The following INO80D variants were observed in gnomAD, a reference collection of about 807,000 sequenced individuals.
INO80D encodes the protein INO80 complex subunit D.
A neutral mutation model predicts 87.6 loss-of-function variants in INO80D; 21 were observed. That is an observed-to-expected ratio of 0.24 (90% CI 0.17 to 0.35). The LOEUF (loss-of-function observed/expected upper bound fraction) is 0.35, where lower values mean the gene tolerates loss of function less well. Among genes scored for constraint, INO80D ranks in the 10% least tolerant of loss-of-function variants. INO80D has a pLI of 1.00. For synonymous variants in INO80D, 440 were observed against 491.0 expected (o/e 0.90, Z 1.37); for missense variants, 982 against 1,280.7 (o/e 0.77, Z 3.56).
At chr2:206,078,129 A>C (rs1322618026) in intron 1 of INO80D, among the ~76,000 whole-genome samples, 1 of 149,328 alleles carries the variant, frequency 6.7e-6, no homozygotes, top group Non-Finnish European at 1.5e-5. Flanking sequence ...TTATTAAAAG[A>C]AGATAGGGCC....
chr2:206,046,120 T>C (rs1393847117), intron 5 of INO80D, among the ~76,000 whole-genome samples: 1 of 152,242 alleles, frequency 6.6e-6, no homozygotes, highest in African/African-American at 2.4e-5. Context: ...GAATCTATTT[T>C]ACCACCAATT....
rs777704032 is a variant in INO80D, at chr2:206,056,331, T to G, written c.831A>C (p.Pro277=). 7 of 1,613,778 alleles carry G rather than the reference T, an allele frequency of 4.3e-6. No homozygotes were observed. Among genetic ancestry groups the G allele is most frequent in the Admixed American group, 3.3e-5 (2 of 59,990 alleles). ...TCATGAGGATCCGGTCAGTCCTGGGTGGGTCCACAGTGGGAGCCCTACTGG... is the reference window on the plus strand; with the variant it reads ...TCATGAGGATCCGGTCAGTCCTGGGGGGGTCCACAGTGGGAGCCCTACTGG... The part of the protein sequence containing the change: ...LPSSRAPTVD[P]PRTDRILMKA... The change falls in exon 4 of 11, where the codon CCA becomes CCC. Residue 277 remains proline, a synonymous_variant. Transcript: ENST00000403263.
At chr2:206,009,442 T>C in intron 9 of INO80D, 135 bp downstream of exon 9, 2 of 707,510 alleles carry the variant, frequency 2.8e-6, no homozygotes. Context: ...CCAAAAACTA[T>C]TTAAAAAATC....
At chr2:206,057,053 CTCTTGGCAGCCA>C in intron 3 of INO80D, 110 bp from the exon 4 acceptor site, 5 of 1,066,940 alleles carry the variant, frequency 4.7e-6, no homozygotes, top group South Asian at 1.7e-5. Flanking sequence ...ACTATAGTGA[CTCTTGGCAGCCA>C]GCAACTTAAC....
At chr2:206,071,870 C>T (rs1689981417) in intron 1 of INO80D, among the ~76,000 whole-genome samples, 1 of 152,032 alleles carries the variant, frequency 6.6e-6, no homozygotes, top group South Asian at 2.1e-4. Flanking sequence ...ACTATGTTCC[C>T]TAACTCACAG....
In INO80D at chr2:206,062,983, C is replaced by A; in HGVS notation, c.34G>T (p.Val12Phe). 6.2e-7 allele frequency: 1 copy of A among 1,612,688 alleles called. No homozygotes were observed. The highest frequency in any genetic ancestry group is 8.5e-7 in the Non-Finnish European group (1 of 1,179,572). The change falls in exon 3 of 11, where the codon GTT (valine) becomes TTT (phenylalanine). Residue 12 changes from valine to phenylalanine, a missense_variant. Physicochemically the swap from Val to Phe is conservative, Grantham distance 50. Coordinates refer to ENST00000403263, the MANE Select transcript of INO80D (RefSeq NM_017759.5). This position sits in a 1 kb window ranked among gnomAD's most constrained non-coding sequence, Gnocchi z 4.6. ...YEGKHIHFSE[V>F]DNKPLCSYSP... ...TATGAGCACAAGGGCTTATTGTCAA[C>A]CTCAGAGAAGTGTATATGTTTCCCT...
intron 1 of INO80D, among the ~76,000 whole-genome samples, chr2:206,077,975 T>C (rs902720772): frequency 7.0e-6 from 1 of 142,936 alleles, no homozygotes; most frequent in African/African-American, 2.6e-5. Flanking sequence ...CAAGATGAAA[T>C]GCCTACATGG....
intron 5 of INO80D, among the ~76,000 whole-genome samples, chr2:206,039,125 C>T (rs1345747737): frequency 2.0e-5 from 3 of 152,158 alleles, no homozygotes; most frequent in Admixed American, 6.5e-5. Flanking sequence ...GGGCTGGGGG[C>T]GGTACCTCAC....
At chr2:206,045,397 C>T (rs1689168327) in intron 5 of INO80D, among the ~76,000 whole-genome samples, 2 of 152,146 alleles carry the variant, frequency 1.3e-5, no homozygotes, top group Admixed American at 6.5e-5. Context: ...CTCTACATTG[C>T]TGAATATCTA....
rs1306588663 is a variant in INO80D at position 206,062,265 on chromosome 2, TCTAA to T, written c.218+530_218+533del. Among the ~76,000 whole-genome samples, 7 of 152,292 alleles carry T rather than the reference TCTAA, an allele frequency of 4.6e-5. No individual in the cohort carries two copies. In the South Asian group the frequency reaches 1.2e-3, roughly 27 times the overall value. On this transcript the variant is annotated intron_variant, in intron 3 of 10. Transcript: ENST00000403263. The surrounding 1 kb of genome is among the most constrained non-coding windows in gnomAD (Gnocchi z 4.6). Reference sequence around the variant, plus strand: ...GGTGAGAAGTCTGATAGGAAATAAATCTAACTGATTCAAGTAGTTTTTTAAAATT... The same window carrying T: ...GGTGAGAAGTCTGATAGGAAATAAATCTGATTCAAGTAGTTTTTTAAAATT...
At chr2:206,005,643 TGAAAA>T (rs755767799) in intron 10 of INO80D, 110 bp from the exon 11 acceptor site, 6 of 911,042 alleles carry the variant, frequency 6.6e-6, no homozygotes, top group South Asian at 1.8e-5. Context: ...GAGTCCCTCT[TGAAAA>T]GAAAAGTTTC....
chr2:206,004,311 G>A lies in INO80D; in HGVS notation c.*57C>T. 1 of 1,453,302 alleles carries A rather than the reference G, an allele frequency of 6.9e-7. No homozygotes were observed. Among genetic ancestry groups the A allele is most frequent in the Non-Finnish European group, 9.4e-7 (1 of 1,062,688 alleles). The allele number at this position is 1,453,302 out of a possible 1,614,324, so 90.0% of individuals were successfully genotyped here. A position where few individuals can be genotyped will look rare whatever the true frequency, so the allele number is the denominator to read the frequency against. On this transcript the variant is annotated 3_prime_UTR_variant, in exon 11 of 11. Coordinates refer to ENST00000403263, the MANE Select transcript of INO80D (RefSeq NM_017759.5). This position sits in a 1 kb window ranked among gnomAD's most constrained non-coding sequence, Gnocchi z 4.9. ...GAAAAGGGGAGAGGGGTGCTAAAGA[G>A]GAAACAAAGATAGAAAACACTGGGT...
rs1316177913 is a variant in INO80D at position 206,056,218 on chromosome 2, G to A, written c.944C>T (p.Thr315Ile). Reference sequence around the variant, plus strand: ...CTCACCTAAATGGGGAAACAGATCAGTGTCCAACTGATGTTTCTGGGTGCA... The same window carrying A: ...CTCACCTAAATGGGGAAACAGATCAATGTCCAACTGATGTTTCTGGGTGCA... ...KLCTQKHQLDTDLFPHLGLDW... is the reference protein window; with the variant it reads ...KLCTQKHQLDIDLFPHLGLDW... The change falls in exon 4 of 11, where the codon ACT becomes ATT. Residue 315 changes from threonine to isoleucine, a missense_variant. Transcript: ENST00000403263. 5 of 1,596,314 alleles carry A rather than the reference G, an allele frequency of 3.1e-6. No homozygotes were observed. The Admixed American group carries it at 8.7e-5, about 28-fold the overall frequency.
rs543921293 is a variant in INO80D at position 206,001,372 on chromosome 2, T to C, written c.*2996A>G. The C allele has an allele frequency of 1.3e-5, 2 of 152,346 alleles. No individual in the cohort carries two copies. The highest frequency in any genetic ancestry group is 4.8e-5 in the African/African-American group (2 of 41,578). The allele number at this position is 152,346 out of a possible 1,614,324, so 9.4% of individuals were successfully genotyped here. On this transcript the variant is annotated 3_prime_UTR_variant, in exon 11 of 11. Coordinates refer to ENST00000403263, the MANE Select transcript of INO80D (RefSeq NM_017759.5). ...AGTAACACAATCTAACTGGCCTTTA[T>C]AAATAGTCCCAAAGAACTGCAGAAA... is the stretch of plus-strand genomic sequence containing the variant.
intron 7 of INO80D, among the ~76,000 whole-genome samples, chr2:206,019,124 T>C (rs181582637): frequency 1.8e-3 from 279 of 152,312 alleles, no homozygotes; most frequent in African/African-American, 6.5e-3. Context: ...ATGGTAAAGA[T>C]AAGTAATTGC....
chr2:206,069,517 G>T (rs924829601), intron 1 of INO80D, among the ~76,000 whole-genome samples: 1 of 152,066 alleles, frequency 6.6e-6, no homozygotes. Flanking sequence ...AGGCCAAGGC[G>T]AGTGGATCAC....
chr2:206,012,960 G>C (rs1230052872), intron 8 of INO80D, among the ~76,000 whole-genome samples: 1 of 149,286 alleles, frequency 6.7e-6, no homozygotes, highest in Non-Finnish European at 1.5e-5. Flanking sequence ...TGGGGTACAA[G>C]TGCTTCTTAT....
chr2:206,050,500 A>AG (rs1036964492), intron 4 of INO80D, among the ~76,000 whole-genome samples: 2 of 26,382 alleles, frequency 7.6e-5, no homozygotes, highest in African/African-American at 1.3e-4. Context: ...TCAAAAGAAA[A>AG]AAAAAAAAAA....
At chr2:206,030,668 G>C (rs1313082644) in intron 5 of INO80D, among the ~76,000 whole-genome samples, 1 of 152,176 alleles carries the variant, frequency 6.6e-6, no homozygotes, top group Non-Finnish European at 1.5e-5. Context: ...ATAATGATAG[G>C]TAAGGTTAGC....
Sources: allele counts gnomAD v4.1 joint callset (sites outside exome capture counted in the v4.1 genomes callset), GRCh38; gene constraint gnomAD v4.1.1; non-coding constraint Gnocchi (gnomAD v3.1); transcripts MANE v1.5; gene names NCBI Gene and HGNC (gene_info 2026-07-23, HGNC 2026-07-21).